CDS1: variants seen among roughly 807,000 people sequenced by gnomAD.
CDS1 encodes CDP-diacylglycerol synthase 1.
CDS1 carries 41 observed loss-of-function variants against 62.1 expected under a neutral mutation model. The observed-to-expected ratio is 0.66, with a 90% CI of 0.51 to 0.86. The LOEUF (loss-of-function observed/expected upper bound fraction) is 0.86. CDS1 is among the 40% of genes least tolerant of loss of function. The probability of loss-of-function intolerance (pLI) is 0.00; values close to 1 mark genes in which losing one functional copy is unlikely to be tolerated. For synonymous variants in CDS1, 185 were observed against 192.6 expected (o/e 0.96, Z 0.32); for missense variants, 470 against 550.1 (o/e 0.85, Z 1.46).
At chr4:84,604,164 G>A in intron 1 of CDS1, 79 bp from the exon 2 acceptor site, 2 of 1,193,918 alleles carry the variant, frequency 1.7e-6, no homozygotes, top group Admixed American at 4.3e-5. Context: ...TTGACACACT[G>A]AGCAATAAAT....
chr4:84,590,172 T>C (rs1448306447), intron 1 of CDS1, among the ~76,000 whole-genome samples: 1 of 152,166 alleles, frequency 6.6e-6, no homozygotes, highest in Non-Finnish European at 1.5e-5. Context: ...AATATAACAA[T>C]TTGGGGTTAG....
chr4:84,597,014 TGAG>T (rs1722771839), intron 1 of CDS1, among the ~76,000 whole-genome samples: 2 of 152,306 alleles, frequency 1.3e-5, no homozygotes, highest in African/African-American at 4.8e-5. Context: ...TACCCTGTGA[TGAG>T]GAGGTAGGTG....
chr4:84,608,107 C>G (rs1723187842), intron 2 of CDS1, among the ~76,000 whole-genome samples: 1 of 152,198 alleles, frequency 6.6e-6, no homozygotes, highest in Non-Finnish European at 1.5e-5. Flanking sequence ...CTCAGCATGG[C>G]AAGGACCAGC....
Position 84,633,959 on chromosome 4 carries a change from C to G in CDS1, c.722+20C>G. 6.9e-7 allele frequency: 1 copy of G among 1,450,730 alleles called. No homozygotes were observed. The highest frequency in any genetic ancestry group is 9.6e-7 in the Non-Finnish European group (1 of 1,043,232). The allele number at this position is 1,450,730 out of a possible 1,614,324, so 89.9% of individuals were successfully genotyped here. On this transcript the variant is annotated intron_variant, in intron 7 of 12. Coordinates refer to ENST00000295887, the MANE Select transcript of CDS1 (RefSeq NM_001263.4). ...GATATGGTAAGGCAACAGAATTATG[C>G]TGCTTTATAAGTATGTCATAGCACT...
At chr4:84,601,773 C>T (rs906883839) in intron 1 of CDS1, among the ~76,000 whole-genome samples, 4 of 151,922 alleles carry the variant, frequency 2.6e-5, no homozygotes, top group South Asian at 2.1e-4. Flanking sequence ...ATTAGCCGGG[C>T]CTGGTGGGGC....
In CDS1 at chr4:84,599,395, CACACACACACATATATATAT is replaced by C. The variant is rs1217813703; in HGVS notation, c.118-4846_118-4827del. Among the ~76,000 whole-genome samples the C allele has an allele frequency of 4.9e-3, 596 of 121,614 alleles. 7 individuals carry two copies. Among genetic ancestry groups the C allele is most frequent in the African/African-American group, 0.019 (572 of 29,834 alleles). The allele number at this position is 121,614 out of a possible 152,430, so 79.8% of individuals were successfully genotyped here. On this transcript the variant is annotated intron_variant, in intron 1 of 12. Coordinates refer to ENST00000295887, the MANE Select transcript of CDS1 (RefSeq NM_001263.4). ...GCAAATATAATTTGGCAAATTTTGA[CACACACACACATATATATAT>C]ATATATATATATATATATATATATA... is the stretch of plus-strand genomic sequence containing the variant.
At chr4:84,641,480 A>C (rs904362456) in intron 10 of CDS1, among the ~76,000 whole-genome samples, 6 of 152,246 alleles carry the variant, frequency 3.9e-5, no homozygotes, top group Admixed American at 3.9e-4. Context: ...GCTTAAATCA[A>C]ATGGATGAGA....
chr4:84,631,297 G>T (rs1365196076), intron 5 of CDS1, among the ~76,000 whole-genome samples: 3 of 152,084 alleles, frequency 2.0e-5, no homozygotes, highest in Non-Finnish European at 2.9e-5. Flanking sequence ...AGCTAAAAAT[G>T]AGTACCTATA....
chr4:84,606,336 G>A (rs1578026673), intron 2 of CDS1, among the ~76,000 whole-genome samples: 1 of 151,880 alleles, frequency 6.6e-6, no homozygotes, highest in East Asian at 1.9e-4. Context: ...GTGTGTATGT[G>A]TGTGTATGTA....
intron 1 of CDS1, among the ~76,000 whole-genome samples, chr4:84,592,296 C>CA (rs1394350519): frequency 6.6e-6 from 1 of 151,606 alleles, no homozygotes; most frequent in Non-Finnish European, 1.5e-5. Flanking sequence ...CTCAGCCTCC[C>CA]AAGTAGCTGG....
intron 3 of CDS1, among the ~76,000 whole-genome samples, chr4:84,615,291 A>G (rs1300193707): frequency 1.3e-5 from 2 of 151,896 alleles, no homozygotes; most frequent in African/African-American, 4.8e-5. Context: ...TCACCTGGAT[A>G]GTGAAGTGGC....
At chr4:84,586,769 A>C (rs904316964) in intron 1 of CDS1, among the ~76,000 whole-genome samples, 1 of 152,180 alleles carries the variant, frequency 6.6e-6, no homozygotes, top group African/African-American at 2.4e-5. Context: ...ATCTAAGTAG[A>C]AGCAAGTTTA....
At chr4:84,605,811 G>A (rs1723076237) in intron 2 of CDS1, among the ~76,000 whole-genome samples, 1 of 152,044 alleles carries the variant, frequency 6.6e-6, no homozygotes, top group South Asian at 2.1e-4. Context: ...TACTAGTATT[G>A]TTTCAGGCAC....
In CDS1 at chr4:84,645,224, T is replaced by G. The variant is rs1724521332; in HGVS notation, c.1155T>G (p.Asp385Glu). ...AATATATTTGTTTGTTTCTAAAGGA[T>G]TTTGCAAATACCATTCCTGGACATG... ...SGFKRAFKIK[D>E]FANTIPGHGG... is the part of the protein sequence containing the mutation. Residue 385 changes from aspartate to glutamate, a missense_variant and splice_region_variant, in exon 12 of 13, where the codon GAT becomes GAG. Coordinates refer to ENST00000295887, the MANE Select transcript of CDS1 (RefSeq NM_001263.4). The G allele has an allele frequency of 6.2e-7, 1 of 1,601,990 alleles. No individual in the cohort carries two copies. Among genetic ancestry groups the G allele is most frequent in the Non-Finnish European group, 8.5e-7 (1 of 1,170,452 alleles).
At chr4:84,622,603 T>G (rs1723723721) in intron 5 of CDS1, among the ~76,000 whole-genome samples, 1 of 151,932 alleles carries the variant, frequency 6.6e-6, no homozygotes, top group African/African-American at 2.4e-5. Context: ...AAAATAATAA[T>G]AATAATAATA....
chr4:84,601,763 A>G (rs1722943862), intron 1 of CDS1, among the ~76,000 whole-genome samples: 1 of 151,930 alleles, frequency 6.6e-6, no homozygotes, highest in African/African-American at 2.4e-5. Context: ...AAATACAAAA[A>G]TTAGCCGGGC....
intron 1 of CDS1, among the ~76,000 whole-genome samples, chr4:84,602,780 T>A (rs1722976417): frequency 1.3e-5 from 2 of 152,172 alleles, no homozygotes; most frequent in Admixed American, 1.3e-4. Flanking sequence ...GCCCTGCCAT[T>A]TTCTGAAGGG....
intron 5 of CDS1, among the ~76,000 whole-genome samples, chr4:84,624,488 T>G (rs1723795958): frequency 1.3e-5 from 2 of 152,092 alleles, no homozygotes; most frequent in African/African-American, 2.4e-5. Context: ...CCCTTTTTCT[T>G]ATGCAAGTAA....
At chr4:84,641,715 G>A (rs1724389799) in intron 10 of CDS1, among the ~76,000 whole-genome samples, 1 of 152,172 alleles carries the variant, frequency 6.6e-6, no homozygotes, top group Non-Finnish European at 1.5e-5. Flanking sequence ...AGAGGATGTT[G>A]ACATGCCCTC....
Sources: allele counts gnomAD v4.1 joint callset (sites outside exome capture counted in the v4.1 genomes callset), GRCh38; gene constraint gnomAD v4.1.1; transcripts MANE v1.5; gene names NCBI Gene and HGNC (gene_info 2026-07-23, HGNC 2026-07-21).